Variants in ADAMTSL1 observed in about 807,000 individuals in gnomAD.
ADAMTSL1 encodes the protein ADAMTS like 1, also known as ADAMTS-like protein 1.
A neutral mutation model predicts 201.8 loss-of-function variants in ADAMTSL1; 126 were observed. That is an observed-to-expected ratio of 0.62 (90% CI 0.54 to 0.72). ADAMTSL1 has a LOEUF of 0.72. ADAMTSL1 is among the 30% of genes least tolerant of loss of function. ADAMTSL1 has a pLI of 0.00. For synonymous variants in ADAMTSL1, 1,121 were observed against 903.4 expected (o/e 1.24, Z -4.32); for missense variants, 2,679 against 2,277.8 (o/e 1.18, Z -3.59).
chr9:18,784,033 C>CA (rs757797398), intron 19 of ADAMTSL1, among the ~76,000 whole-genome samples: 6 of 152,198 alleles, frequency 3.9e-5, no homozygotes, highest in Non-Finnish European at 8.8e-5. Context: ...GTTATCTCTC[C>CA]AGCTTCATCT....
intron 27 of ADAMTSL1, 43 bp from the exon 28 acceptor site, chr9:18,906,649 C>G (rs1830325178): frequency 6.8e-7 from 1 of 1,465,902 alleles, no homozygotes; most frequent in Non-Finnish European, 9.1e-7. Flanking sequence ...CTGATTCAGC[C>G]CCCACAGAAG....
chr9:18,521,462 TA>T (rs1348359057), intron 2 of ADAMTSL1, among the ~76,000 whole-genome samples: 1 of 151,600 alleles, frequency 6.6e-6, no homozygotes, highest in Non-Finnish European at 1.5e-5. Context: ...ATTAAAAATT[TA>T]AAAAAAGCAT....
chr9:18,445,221 G>T (rs566613680), intron 2 of ADAMTSL1, among the ~76,000 whole-genome samples: 1 of 152,076 alleles, frequency 6.6e-6, no homozygotes. Flanking sequence ...TTTTGCCACC[G>T]CTAAAAGTAC....
intron 1 of ADAMTSL1, among the ~76,000 whole-genome samples, chr9:18,492,625 A>G (rs1484219375): frequency 6.6e-6 from 1 of 152,204 alleles, no homozygotes; most frequent in South Asian, 2.1e-4. Context: ...TAGCACTTAT[A>G]TTTAAAAAAA....
At chr9:18,766,145 T>C (rs74357854) in intron 16 of ADAMTSL1, among the ~76,000 whole-genome samples, 3,887 of 152,330 alleles carry the variant, frequency 0.026, 171 homozygotes, top group African/African-American at 0.089. Flanking sequence ...CTTGCTCTGC[T>C]ATACATTCAC....
At position 18,832,973 on chromosome 9, in the gene ADAMTSL1, C is replaced by G. The variant is rs1825083185; in HGVS notation, c.4249+2996C>G. Among the ~76,000 whole-genome samples the G allele has an allele frequency of 2.0e-5, 3 of 152,184 alleles. No homozygotes were observed. The South Asian group carries it at 6.2e-4, about 32-fold the overall frequency. ...AAGCCATGTGTCAGAGCTCATTCTTCTTCATTAAGTCTGGAGTGTTGAGAT... is the reference window on the plus strand; with the variant it reads ...AAGCCATGTGTCAGAGCTCATTCTTGTTCATTAAGTCTGGAGTGTTGAGAT... On this transcript the variant is annotated intron_variant, in intron 23 of 28. Coordinates refer to ENST00000380548, the MANE Select transcript of ADAMTSL1 (RefSeq NM_001040272.6).
At chr9:18,718,610 C>G in intron 14 of ADAMTSL1, 1 of 383,904 alleles carries the variant, frequency 2.6e-6, no homozygotes, top group Non-Finnish European at 5.1e-6. Context: ...GGTTGCTACT[C>G]TCGGCACCAC....
At chr9:18,551,645 C>T (rs1044315849) in intron 3 of ADAMTSL1, among the ~76,000 whole-genome samples, 7 of 151,448 alleles carry the variant, frequency 4.6e-5, no homozygotes, top group East Asian at 1.9e-4. Context: ...GGTCTGACCT[C>T]CTAACTGTGT....
At chr9:18,562,432 C>T (rs1821576542) in intron 3 of ADAMTSL1, among the ~76,000 whole-genome samples, 1 of 152,192 alleles carries the variant, frequency 6.6e-6, no homozygotes, top group Admixed American at 6.5e-5. Context: ...CGACCTTTCT[C>T]TCTGGCTGCC....
At chr9:17,974,827 C>G (rs1007565213) in intron 1 of ADAMTSL1, among the ~76,000 whole-genome samples, 1 of 152,000 alleles carries the variant, frequency 6.6e-6, no homozygotes, top group Non-Finnish European at 1.5e-5. Context: ...ATGAATAATG[C>G]TGCAATGAAC....
chr9:18,253,027 A>G (rs1222976606), intron 2 of ADAMTSL1, among the ~76,000 whole-genome samples: 1 of 152,224 alleles, frequency 6.6e-6, no homozygotes, highest in South Asian at 2.1e-4. Context: ...TGGCATGTCC[A>G]TACTATGGAA....
chr9:18,821,022 G>A (rs1294356737), intron 21 of ADAMTSL1, among the ~76,000 whole-genome samples: 1 of 152,184 alleles, frequency 6.6e-6, no homozygotes, highest in Non-Finnish European at 1.5e-5. Flanking sequence ...GGAGGTGTGG[G>A]TAGGCAGGGG....
At chr9:18,527,371 CA>C (rs1315035754) in intron 2 of ADAMTSL1, among the ~76,000 whole-genome samples, 1 of 152,076 alleles carries the variant, frequency 6.6e-6, no homozygotes, top group Non-Finnish European at 1.5e-5. Flanking sequence ...TTTCTTGAAA[CA>C]ATGTATTGAC....
At chr9:18,449,029 G>A (rs1587247207) in intron 2 of ADAMTSL1, among the ~76,000 whole-genome samples, 1 of 151,656 alleles carries the variant, frequency 6.6e-6, no homozygotes. Context: ...TAGTTCATCA[G>A]TGGATAAACA....
At chr9:18,328,047 A>G (rs1196416797) in intron 2 of ADAMTSL1, among the ~76,000 whole-genome samples, 1 of 152,232 alleles carries the variant, frequency 6.6e-6, no homozygotes, top group African/African-American at 2.4e-5. Context: ...CAAGATTCAA[A>G]TAATGTTGTA....
intron 1 of ADAMTSL1, among the ~76,000 whole-genome samples, chr9:17,953,424 T>C (rs1827806566): frequency 6.6e-6 from 1 of 152,194 alleles, no homozygotes; most frequent in South Asian, 2.1e-4. Flanking sequence ...GAAAACTAGC[T>C]TTACAAAAGC....
chr9:18,095,234 TCACAGCCAATAGATCA>T lies in ADAMTSL1; in HGVS notation c.88-68623_88-68608del, dbSNP rs906585689. Among the ~76,000 whole-genome samples, 51 of 152,204 alleles carry T rather than the reference TCACAGCCAATAGATCA, an allele frequency of 3.4e-4. 1 individual carries two copies. The highest frequency in any genetic ancestry group is 3.3e-3 in the Admixed American group (50 of 15,284). ...ATGAAAACACTGCATCAGAAAGGGC[TCACAGCCAATAGATCA>T]CACACAAGTACCTACGTGCAGAGAT... On this transcript the variant is annotated intron_variant, in intron 1 of 29. Transcript: ENST00000680146.
intron 1 of ADAMTSL1, among the ~76,000 whole-genome samples, chr9:18,131,298 A>G (rs1825941512): frequency 6.6e-6 from 1 of 152,212 alleles, no homozygotes; most frequent in Admixed American, 6.5e-5. Flanking sequence ...AACAAGACCC[A>G]AAATTATACC....
intron 1 of ADAMTSL1, among the ~76,000 whole-genome samples, chr9:18,092,059 G>A (rs1403350042): frequency 6.6e-6 from 1 of 151,962 alleles, no homozygotes; most frequent in African/African-American, 2.4e-5. Context: ...GATACATCTG[G>A]GATACTACAT....
Sources: gnomAD v4.1 joint callset for allele counts (sites outside exome capture counted in the v4.1 genomes callset) on GRCh38, gnomAD v4.1.1 for gene constraint, MANE v1.5 for transcripts, NCBI Gene and HGNC (gene_info 2026-07-23, HGNC 2026-07-21) for gene names.